MIR2052HG: variants seen among roughly 807,000 people sequenced by gnomAD.
MIR2052HG encodes MIR2052 host gene.
At chr8:74,749,566 G>A (rs1167368140) in intron 4 of MIR2052HG, among the ~76,000 whole-genome samples, 1 of 152,060 alleles carries the variant, frequency 6.6e-6, no homozygotes, top group South Asian at 2.1e-4. Flanking sequence ...AATAAGCTTC[G>A]TAAGCCAGGC....
intron 1 of MIR2052HG, among the ~76,000 whole-genome samples, chr8:74,611,278 C>T (rs946304676): frequency 3.3e-5 from 5 of 151,984 alleles, no homozygotes; most frequent in Admixed American, 6.6e-5. Flanking sequence ...CCATTGCACA[C>T]CTATTACAAA....
At chr8:74,692,463 A>G (rs1241065269) in intron 2 of MIR2052HG, among the ~76,000 whole-genome samples, 1 of 152,210 alleles carries the variant, frequency 6.6e-6, no homozygotes, top group Non-Finnish European at 1.5e-5. Flanking sequence ...GGTGAGGAAC[A>G]CTAAGGAGGT....
intron 4 of MIR2052HG, among the ~76,000 whole-genome samples, chr8:74,719,327 C>G (rs1419519572): frequency 6.6e-6 from 1 of 152,128 alleles, no homozygotes; most frequent in East Asian, 1.9e-4. Flanking sequence ...ATAACTGCAG[C>G]AAAAGGGAAT....
chr8:74,636,296 C>T (rs1808580284), intron 2 of MIR2052HG, among the ~76,000 whole-genome samples: 1 of 152,104 alleles, frequency 6.6e-6, no homozygotes, highest in Non-Finnish European at 1.5e-5. Context: ...GTATTTATCA[C>T]TGTGTGGTGC....
intron 4 of MIR2052HG, among the ~76,000 whole-genome samples, chr8:74,704,022 A>G (rs1183832991): frequency 1.3e-5 from 2 of 151,988 alleles, no homozygotes; most frequent in Non-Finnish European, 2.9e-5. Context: ...GGGATATTTG[A>G]GTAGGGTGGT....
At chr8:74,740,751 C>T (rs559495925) in intron 4 of MIR2052HG, among the ~76,000 whole-genome samples, 2 of 152,258 alleles carry the variant, frequency 1.3e-5, no homozygotes, top group South Asian at 4.1e-4. Flanking sequence ...ACCAATTCCT[C>T]TTAGAAAAAT....
At chr8:74,696,931 C>T (rs575778182) in intron 2 of MIR2052HG, among the ~76,000 whole-genome samples, 4 of 151,852 alleles carry the variant, frequency 2.6e-5, no homozygotes, top group East Asian at 1.9e-4. Flanking sequence ...CACTATTCCA[C>T]GAGATAGAGA....
chr8:74,620,936 T>C (rs1808353174), intron 2 of MIR2052HG, among the ~76,000 whole-genome samples: 1 of 152,262 alleles, frequency 6.6e-6, no homozygotes, highest in South Asian at 2.1e-4. Context: ...TGCTTTCTCT[T>C]GAACACTTTG....
At chr8:74,728,742 C>A (rs192375695) in intron 4 of MIR2052HG, among the ~76,000 whole-genome samples, 1 of 152,066 alleles carries the variant, frequency 6.6e-6, no homozygotes, top group African/African-American at 2.4e-5. Context: ...GAAGAAAATA[C>A]GGAGTATTCA....
chr8:74,618,123 C>G (rs1808310641), intron 2 of MIR2052HG, among the ~76,000 whole-genome samples: 1 of 152,182 alleles, frequency 6.6e-6, no homozygotes, highest in African/African-American at 2.4e-5. Flanking sequence ...TGTGATGGCC[C>G]CCAATTCCAT....
chr8:74,671,890 G>A (rs188258910), intron 2 of MIR2052HG, among the ~76,000 whole-genome samples: 45 of 152,080 alleles, frequency 3.0e-4, no homozygotes, highest in East Asian at 2.1e-3. Context: ...TGGCTTCAGC[G>A]GCCTACCAAA....
chr8:74,737,329 T>C (rs1004492431), intron 4 of MIR2052HG, among the ~76,000 whole-genome samples: 1 of 151,994 alleles, frequency 6.6e-6, no homozygotes. Context: ...TTATGGGAGG[T>C]ATTTTGGCCC....
At chr8:74,643,299 G>A (rs979426634) in intron 2 of MIR2052HG, among the ~76,000 whole-genome samples, 9 of 152,136 alleles carry the variant, frequency 5.9e-5, no homozygotes, top group African/African-American at 2.2e-4. Flanking sequence ...GGTAGTAAAT[G>A]TGGTTTCTTG....
chr8:74,721,901 C>T (rs181426829), intron 4 of MIR2052HG, among the ~76,000 whole-genome samples: 50 of 152,268 alleles, frequency 3.3e-4, no homozygotes, highest in African/African-American at 1.2e-3. Flanking sequence ...GTGATAAAAA[C>T]CAGGGCATTG....
chr8:74,705,006 G>T (rs566665338), intron 4 of MIR2052HG, among the ~76,000 whole-genome samples: 4 of 151,964 alleles, frequency 2.6e-5, no homozygotes, highest in Admixed American at 2.6e-4. Context: ...CACTGGTCAT[G>T]ATGGTATAGC....
intron 2 of MIR2052HG, among the ~76,000 whole-genome samples, chr8:74,669,671 C>G (rs1484781634): frequency 7.9e-5 from 12 of 152,122 alleles, no homozygotes; most frequent in Admixed American, 7.2e-4. Flanking sequence ...TTTGTACACA[C>G]CAGTTCTTTT....
chr8:74,654,721 G>C (rs998252255), intron 2 of MIR2052HG, among the ~76,000 whole-genome samples: 3 of 152,148 alleles, frequency 2.0e-5, no homozygotes, highest in Non-Finnish European at 4.4e-5. Flanking sequence ...TTTATTAGCA[G>C]TGTGAAAATG....
intron 2 of MIR2052HG, among the ~76,000 whole-genome samples, chr8:74,665,980 G>A (rs1349946837): frequency 6.6e-6 from 1 of 152,184 alleles, no homozygotes; most frequent in Non-Finnish European, 1.5e-5. Context: ...CCCCAGCCAT[G>A]TGGAACTGTG....
chr8:74,665,959 G>A (rs553894292), intron 2 of MIR2052HG, among the ~76,000 whole-genome samples: 2 of 152,306 alleles, frequency 1.3e-5, no homozygotes, highest in Admixed American at 6.5e-5. Flanking sequence ...TCCACCATGA[G>A]TGTGAGGCCT....
Sources: gnomAD v4.1 joint callset for allele counts (sites outside exome capture counted in the v4.1 genomes callset) on GRCh38, gnomAD v4.1.1 for gene constraint, MANE v1.5 for transcripts, NCBI Gene and HGNC (gene_info 2026-07-23, HGNC 2026-07-21) for gene names.